Variants in RNF38 observed in about 807,000 individuals in gnomAD.
RNF38 encodes the protein ring finger protein 38, also known as E3 ubiquitin-protein ligase RNF38.
Under a neutral mutation model 67.2 loss-of-function variants are expected in RNF38, and 15 were observed. The observed-to-expected ratio is 0.22, with a 90% CI of 0.15 to 0.34. The LOEUF is 0.34. Ranked by LOEUF, RNF38 falls within the 10% of genes least tolerant of loss-of-function variation. The pLI, the probability that RNF38 is intolerant of heterozygous loss-of-function variation, is 1.00. For synonymous variants in RNF38, 220 were observed against 218.8 expected (o/e 1.01, Z -0.05); for missense variants, 524 against 639.9 (o/e 0.82, Z 1.95).
intron 1 of RNF38, among the ~76,000 whole-genome samples, chr9:36,438,139 G>A (rs1367941721): frequency 3.3e-5 from 5 of 152,094 alleles, no homozygotes. Context: ...CAGGGTCTAT[G>A]TTGCCCAGGC....
chr9:36,449,384 T>C (rs1839382396), intron 1 of RNF38, among the ~76,000 whole-genome samples: 1 of 152,012 alleles, frequency 6.6e-6, no homozygotes, highest in Non-Finnish European at 1.5e-5. Context: ...TGAGCAGTGA[T>C]TGTGCCAGTG....
chr9:36,443,685 T>G (rs1839243770), intron 1 of RNF38, among the ~76,000 whole-genome samples: 1 of 151,202 alleles, frequency 6.6e-6, no homozygotes, highest in Non-Finnish European at 1.5e-5. Context: ...AAAAAAGAAA[T>G]GAACTTAAAC....
intron 1 of RNF38, among the ~76,000 whole-genome samples, chr9:36,443,798 AG>A (rs1384876712): frequency 6.6e-6 from 1 of 152,230 alleles, no homozygotes; most frequent in Non-Finnish European, 1.5e-5. Context: ...GCTCAGGGAG[AG>A]CGAGTGGAGA....
At chr9:36,454,160 G>T (rs886882202) in intron 1 of RNF38, among the ~76,000 whole-genome samples, 6 of 150,138 alleles carry the variant, frequency 4.0e-5, no homozygotes, top group Non-Finnish European at 5.9e-5. Flanking sequence ...GTCTCACTCT[G>T]TCACCCAGGC....
At chr9:36,371,497 T>A (rs1240043585) in intron 3 of RNF38, among the ~76,000 whole-genome samples, 1 of 148,628 alleles carries the variant, frequency 6.7e-6, no homozygotes, top group Non-Finnish European at 1.5e-5. Flanking sequence ...CAGGCTGGAG[T>A]GCAATGGCAC....
intron 2 of RNF38, among the ~76,000 whole-genome samples, chr9:36,384,177 T>A (rs2133945827): frequency 6.6e-6 from 1 of 152,304 alleles, no homozygotes; most frequent in East Asian, 1.9e-4. Context: ...TACTCATGTA[T>A]CTGTAACTAT....
Position 36,375,955 on chromosome 9 carries a change from G to A in RNF38, c.335C>T (p.Thr112Ile), listed in dbSNP as rs1038291633. 2.5e-6 allele frequency: 4 copies of A among 1,612,648 alleles called. No individual in the cohort carries two copies. The African/African-American group carries it at 5.3e-5, about 22-fold the overall frequency. The part of the protein sequence containing the change: ...QHHFSGERCN[T>I]PARNRRSPPV... The stretch of plus-strand genomic sequence containing the variant: ...TAACCTTCTTCTGTTGCGTGCAGGT[G>A]TGTTGCATCGTTCCCCTGAGAAGTG... Residue 112 changes from threonine to isoleucine, a missense_variant, in exon 3 of 12, where the codon ACA becomes ATA. Physicochemically the swap from Thr to Ile is moderately conservative, Grantham distance 89. Transcript: ENST00000259605.
intron 1 of RNF38, among the ~76,000 whole-genome samples, chr9:36,443,435 T>C (rs1839239406): frequency 6.6e-6 from 1 of 152,082 alleles, no homozygotes; most frequent in Non-Finnish European, 1.5e-5. Context: ...GTGAGAAAAA[T>C]ATCAATGCTA....
chr9:36,350,149 C>T (rs1833590196), intron 9 of RNF38, among the ~76,000 whole-genome samples: 1 of 152,170 alleles, frequency 6.6e-6, no homozygotes, highest in African/African-American at 2.4e-5. Flanking sequence ...GGCTATCCTT[C>T]CCCCATTGTG....
intron 1 of RNF38, among the ~76,000 whole-genome samples, chr9:36,472,100 T>G (rs576459305): frequency 6.6e-6 from 1 of 152,348 alleles, no homozygotes; most frequent in South Asian, 2.1e-4. Flanking sequence ...GATAATTCGA[T>G]TACAAGAGTT....
At position 36,357,833 on chromosome 9, in the gene RNF38, G is replaced by A. The variant is rs1168535602; in HGVS notation, c.680C>T (p.Pro227Leu). The A allele has an allele frequency of 1.2e-6, 2 of 1,613,786 alleles. No homozygotes were observed. The highest frequency in any genetic ancestry group is 1.7e-6 in the Non-Finnish European group (2 of 1,179,788). ...TCCACTGAAAACCACAGAGCATCCT[G>A]GGACCTGCTGTGTACTACAAGCAGG... ...HIPACSTQQVPGCSVVFSGQH... is the reference protein window; with the variant it reads ...HIPACSTQQVLGCSVVFSGQH... The change falls in exon 5 of 12, where the codon CCA becomes CTA. Residue 227 changes from proline to leucine, a missense_variant. Around this residue, in one of 2 missense-constraint regions of RNF38, gnomAD observed 461 missense variants for 517.4 expected, o/e 0.89. Transcript: ENST00000259605.
rs1008480627 is a variant in RNF38, at chr9:36,453,608, T to C, written n.242-28925A>G. On this transcript the variant is annotated intron_variant and non_coding_transcript_variant, in intron 1 of 3. Coordinates refer to the RNF38 transcript ENST00000488058. ...CATGTTGGCCAAGCTGGTCTTGAAC[T>C]CTTGACCCCAAGTGATCCACTGCCT... Among the ~76,000 whole-genome samples the C allele has an allele frequency of 4.6e-5, 7 of 152,256 alleles. No individual in the cohort carries two copies. In the East Asian group the frequency reaches 5.8e-4, roughly 13 times the overall value.
intron 1 of RNF38, among the ~76,000 whole-genome samples, chr9:36,467,785 G>A (rs1343458226): frequency 6.6e-6 from 1 of 152,112 alleles, no homozygotes; most frequent in African/African-American, 2.4e-5. Flanking sequence ...AGTGGGGAGA[G>A]GAATAAGAAT....
At chr9:36,376,192 G>A (rs1291064767) in intron 2 of RNF38, 65 bp from the exon 3 acceptor site, 23 of 1,223,716 alleles carry the variant, frequency 1.9e-5, no homozygotes, top group Non-Finnish European at 2.5e-5. Flanking sequence ...TACTGCATAT[G>A]CACAGGTGTT....
chr9:36,384,296 G>A (rs1172638167), intron 2 of RNF38, among the ~76,000 whole-genome samples: 2 of 152,188 alleles, frequency 1.3e-5, no homozygotes, highest in Non-Finnish European at 2.9e-5. Flanking sequence ...GAAATCAAGA[G>A]ATCCTTTGAG....
chr9:36,485,492 T>C (rs1840385317), intron 1 of RNF38, among the ~76,000 whole-genome samples: 1 of 152,214 alleles, frequency 6.6e-6, no homozygotes, highest in Non-Finnish European at 1.5e-5. Flanking sequence ...GCACTACATT[T>C]TTGCCAACCT....
At chr9:36,460,479 T>A (rs894365880) in intron 1 of RNF38, among the ~76,000 whole-genome samples, 7 of 152,092 alleles carry the variant, frequency 4.6e-5, no homozygotes, top group Non-Finnish European at 1.0e-4. Flanking sequence ...ACAGGGTTGA[T>A]CCAGAAAGTA....
intron 2 of RNF38, among the ~76,000 whole-genome samples, chr9:36,387,934 G>C (rs1000842433): frequency 1.3e-5 from 2 of 151,476 alleles, no homozygotes; most frequent in African/African-American, 4.9e-5. Context: ...AAAAAGAAAG[G>C]AGACAAGCTG....
intron 4 of RNF38, among the ~76,000 whole-genome samples, chr9:36,363,159 A>G (rs1834697295): frequency 1.0e-5 from 1 of 99,840 alleles, no homozygotes; most frequent in African/African-American, 3.0e-5. Context: ...ACAATGGCAC[A>G]ATCACTTGGG....
Sources: gnomAD v4.1 joint callset for allele counts (sites outside exome capture counted in the v4.1 genomes callset) on GRCh38, gnomAD v4.1.1 for gene constraint, gnomAD v4.1.1 regional missense constraint, MANE v1.5 for transcripts, NCBI Gene and HGNC (gene_info 2026-07-23, HGNC 2026-07-21) for gene names.